KNDC1: variants seen among roughly 807,000 people sequenced by gnomAD.
The protein encoded by KNDC1 is kinase non-catalytic C-lobe domain-containing protein 1.
KNDC1 carries 106 observed loss-of-function variants against 172.8 expected under a neutral mutation model. The observed-to-expected ratio is 0.61, with a 90% CI of 0.52 to 0.72. The LOEUF is 0.72. Ranked by LOEUF, KNDC1 falls within the 30% of genes least tolerant of loss-of-function variation. The pLI is 0.00. For missense variants in KNDC1, 2,325 were observed against 2,394.5 expected, an observed-to-expected ratio of 0.97 and a Z score of 0.61; for synonymous variants, 1,083 against 1,062.2, an observed-to-expected ratio of 1.02 and a Z score of -0.38.
chr10:133,213,814 A>C, intron 25 of KNDC1, 87 bp downstream of exon 25: 2 of 1,452,004 alleles, frequency 1.4e-6, no homozygotes, highest in Non-Finnish European at 1.9e-6. Context: ...CCTGACCAGC[A>C]GGAGATGCCT....
At position 133,199,557 on chromosome 10, in the gene KNDC1, A is replaced by C; in HGVS notation, c.2858A>C (p.Gln953Pro). The C allele has an allele frequency of 1.2e-6, 2 of 1,613,840 alleles. No homozygotes were observed. Among genetic ancestry groups the C allele is most frequent in the Non-Finnish European group, 1.7e-6 (2 of 1,180,000 alleles). ...CTGTACTGGGATGAGAAGTTGCTGC[A>C]GAACCTCTTTAAGGTGGTCAACGGG... ...CDLYWDEKLL[Q>P]NLFKVVNGQA... The change falls in exon 15 of 30, where the codon CAG (glutamine) becomes CCG (proline). Residue 953 changes from glutamine (Q) to proline (P), a missense_variant. Coordinates refer to ENST00000304613, the MANE Select transcript of KNDC1 (RefSeq NM_152643.8).
intron 3 of KNDC1, among the ~76,000 whole-genome samples, chr10:133,178,503 A>G (rs1853623201): frequency 6.6e-6 from 1 of 152,160 alleles, no homozygotes; most frequent in Admixed American, 6.5e-5. Flanking sequence ...CTTAACACGT[A>G]ACCACAGAGC....
rs1845623039 is a variant in KNDC1 at position 133,222,500 on chromosome 10, TGTGTGTGTGA to T, written c.5019-2157_5019-2148del. ...AGGCATGCTCTTCCCGGTGTGTGTG[TGTGTGTGTGA>T]GCCCATCCAGGCATGCTCTTCCCGG... On this transcript the variant is annotated intron_variant, in intron 29 of 29. Transcript: ENST00000304613. Among the ~76,000 whole-genome samples the T allele has an allele frequency of 3.4e-5, 3 of 87,690 alleles. No individual in the cohort carries two copies. In the East Asian group the frequency reaches 7.7e-4, roughly 23 times the overall value. The allele number at this position is 87,690 out of a possible 152,430, so 57.5% of individuals were successfully genotyped here. A position where few individuals can be genotyped will look rare whatever the true frequency, so the allele number is the denominator to read the frequency against.
rs964634892 is a variant in KNDC1 at position 133,186,482 on chromosome 10, T to C, written c.1134T>C (p.Cys378=). 1 of 1,612,176 alleles carries C rather than the reference T, an allele frequency of 6.2e-7. No homozygotes were observed. The highest frequency in any genetic ancestry group is 1.1e-5 in the South Asian group (1 of 91,050). ...AACACCAGCTGGGACGGGTTCCCTG[T>C]GCAGGCCGCAGCACGGACAGGGGCC... ...EPEHQLGRVP[C]AGRSTDRGPG... is the part of the protein sequence containing the mutation. Residue 378 remains cysteine (C), a synonymous_variant, in exon 6 of 30, where the codon TGT becomes TGC. Coordinates refer to ENST00000304613, the MANE Select transcript of KNDC1 (RefSeq NM_152643.8).
In KNDC1 at chr10:133,213,954, A is replaced by G; in HGVS notation, c.4527-18A>G. 1.6e-5 allele frequency: 26 copies of G among 1,613,920 alleles called. No homozygotes were observed. Among genetic ancestry groups the G allele is most frequent in the Non-Finnish European group, 2.2e-5 (26 of 1,179,868 alleles). On this transcript the variant is annotated intron_variant, in intron 25 of 29. Coordinates refer to ENST00000304613, the MANE Select transcript of KNDC1 (RefSeq NM_152643.8). ...TGCACAAGTCCTGGGGGTGACAGGG[A>G]CCATATTTCTCTTCCAGAGCCAGCT... is the stretch of plus-strand genomic sequence containing the variant.
intron 9 of KNDC1, among the ~76,000 whole-genome samples, chr10:133,190,774 T>C (rs1854054229): frequency 1.3e-5 from 2 of 152,196 alleles, no homozygotes; most frequent in South Asian, 2.1e-4. Context: ...CCAAGAAGGC[T>C]GGGAAAGCAC....
At chr10:133,222,510 AGCCCATCCAGGCATGCTCTTCCCGGC>A (rs1845624076) in intron 29 of KNDC1, among the ~76,000 whole-genome samples, 1 of 40,328 alleles carries the variant, frequency 2.5e-5, no homozygotes, top group Non-Finnish European at 5.3e-5. Context: ...TGTGTGTGTG[AGCCCATCCAGGCATGCTCTTCCCGGC>A]GTGTGTGTGT....
chr10:133,171,606 G>T (rs1042801065), intron 3 of KNDC1, among the ~76,000 whole-genome samples: 1 of 151,452 alleles, frequency 6.6e-6, no homozygotes, highest in African/African-American at 2.4e-5. Context: ...ACATTTTTCT[G>T]TTTGTTTGTT....
In KNDC1 at chr10:133,189,542, C is replaced by G. The variant is rs968870141; in HGVS notation, c.1442-56C>G. On this transcript the variant is annotated intron_variant, in intron 7 of 29. Transcript: ENST00000304613. Reference sequence around the variant, plus strand: ...AGGCTCCGCAGCTCCTTCCCCCCAGCCAGCCCCAAGTGCGGGGCAGCATGC... The same window carrying G: ...AGGCTCCGCAGCTCCTTCCCCCCAGGCAGCCCCAAGTGCGGGGCAGCATGC... 1.2e-5 allele frequency: 18 copies of G among 1,542,090 alleles called. No individual in the cohort carries two copies. In the Admixed American group the frequency reaches 2.9e-4, roughly 25 times the overall value.
Position 133,206,646 on chromosome 10 carries a change from G to A in KNDC1, c.3388-39G>A, listed in dbSNP as rs371831612. ...GCCCTGGATGTGGCTGACGTGTGTT[G>A]GGGCTGCCTGGGGCTTAGGCGCTGT... On this transcript the variant is annotated intron_variant, in intron 17 of 29. Coordinates refer to ENST00000304613, the MANE Select transcript of KNDC1 (RefSeq NM_152643.8). 3.2e-6 allele frequency: 5 copies of A among 1,568,590 alleles called. No homozygotes were observed. In the African/African-American group the frequency reaches 6.8e-5, roughly 21 times the overall value.
intron 20 of KNDC1, among the ~76,000 whole-genome samples, chr10:133,207,884 G>A (rs1346684748): frequency 1.3e-5 from 2 of 152,194 alleles, no homozygotes; most frequent in African/African-American, 4.8e-5. Context: ...GGGCCACAGG[G>A]CCAGACCCCC....
In KNDC1 at chr10:133,186,216, G is replaced by A. The variant is rs755799594; in HGVS notation, c.868G>A (p.Gly290Arg). 57 of 1,577,724 alleles carry A rather than the reference G, an allele frequency of 3.6e-5. No individual in the cohort carries two copies. Among genetic ancestry groups the A allele is most frequent in the Non-Finnish European group, 4.6e-5 (53 of 1,162,484 alleles). The change falls in exon 6 of 30, where the codon GGG becomes AGG. Residue 290 changes from glycine to arginine, a missense_variant. Coordinates refer to ENST00000304613, the MANE Select transcript of KNDC1 (RefSeq NM_152643.8). The stretch of plus-strand genomic sequence containing the variant: ...CGTCCTGGATGCCGAGCGCACCCTC[G>A]GGGAGCTGGACAGAGACGCCCTCAG... ...GLVLDAERTL[G>R]ELDRDALRRS...
intron 16 of KNDC1, among the ~76,000 whole-genome samples, chr10:133,200,960 T>C (rs997595033): frequency 3.3e-5 from 5 of 152,014 alleles, no homozygotes; most frequent in African/African-American, 4.8e-5. Flanking sequence ...AAGGTGGGGG[T>C]GGTGGTCACC....
chr10:133,194,596 T>C (rs960674679), intron 9 of KNDC1, among the ~76,000 whole-genome samples: 1 of 152,216 alleles, frequency 6.6e-6, no homozygotes, highest in African/African-American at 2.4e-5. Context: ...TATCTGACTC[T>C]AGTTGGCTGT....
Position 133,201,562 on chromosome 10 carries a change from G to A in KNDC1, c.3051G>A (p.Val1017=), listed in dbSNP as rs1490734019. ...GGGCCCCCTGCTCACCCACCTCGGT[G>A]TCGGATGTGGACTCGGACGCACTGT... ...SSRAPCSPTS[V]SDVDSDALSR... The change falls in exon 17 of 30, where the codon GTG becomes GTA. Residue 1017 remains valine (V), a synonymous_variant. Coordinates refer to ENST00000304613, the MANE Select transcript of KNDC1 (RefSeq NM_152643.8). The A allele has an allele frequency of 6.2e-7, 1 of 1,612,336 alleles. No homozygotes were observed. Among genetic ancestry groups the A allele is most frequent in the Non-Finnish European group, 8.5e-7 (1 of 1,179,828 alleles).
At position 133,198,696 on chromosome 10, in the gene KNDC1, G is replaced by C. The variant is rs1564890496; in HGVS notation, c.2188G>C (p.Asp730His). 5 of 1,580,674 alleles carry C rather than the reference G, an allele frequency of 3.2e-6. No individual in the cohort carries two copies. Among genetic ancestry groups the C allele is most frequent in the Non-Finnish European group, 3.4e-6 (4 of 1,164,284 alleles). The change falls in exon 14 of 30, where the codon GAC (aspartate) becomes CAC (histidine). Residue 730 changes from aspartate to histidine, a missense_variant. Coordinates refer to ENST00000304613, the MANE Select transcript of KNDC1 (RefSeq NM_152643.8). ...HAGSPSLKTP[D>H]GPVPGPGPQG... ...TGGGTCCCCCAGCCTGAAGACGCCT[G>C]ACGGGCCGGTGCCTGGTCCGGGGCC...
intron 1 of KNDC1, among the ~76,000 whole-genome samples, chr10:133,162,654 G>A (rs1206166449): frequency 1.3e-5 from 2 of 152,242 alleles, no homozygotes; most frequent in Admixed American, 6.5e-5. Context: ...ACACCCCCAC[G>A]AATGCCTTCC....
At chr10:133,184,386 GCACACACA>G (rs947551534) in intron 5 of KNDC1, among the ~76,000 whole-genome samples, 7 of 113,898 alleles carry the variant, frequency 6.1e-5, no homozygotes, top group African/African-American at 1.9e-4. Flanking sequence ...CACATGCTGC[GCACACACA>G]CGCACACACG....
At chr10:133,211,925 A>G in intron 23 of KNDC1, 67 bp downstream of exon 23, 1 of 1,484,462 alleles carries the variant, frequency 6.7e-7, no homozygotes. Context: ...CCCAGCCTCA[A>G]AGACACAACT....
Sources: allele counts gnomAD v4.1 joint callset (sites outside exome capture counted in the v4.1 genomes callset), GRCh38; gene constraint gnomAD v4.1.1; transcripts MANE v1.5; gene names NCBI Gene and HGNC (gene_info 2026-07-23, HGNC 2026-07-21).